The following CATSPERE variants were observed in gnomAD, a reference collection of about 807,000 sequenced individuals.
CATSPERE encodes the protein catsper channel auxiliary subunit epsilon, also known as cation channel sperm-associated auxiliary subunit epsilon.
CATSPERE carries 93 observed loss-of-function variants against 114.1 expected under a neutral mutation model. The observed-to-expected ratio is 0.81, with a 90% CI of 0.69 to 0.97. CATSPERE has a LOEUF of 0.97. Among genes scored for constraint, CATSPERE ranks in the 50% least tolerant of loss-of-function variants. The pLI is 0.00. For missense variants in CATSPERE, 1,058 were observed against 1,131.6 expected (o/e 0.93, Z 0.93); for synonymous variants, 341 against 384.1 (o/e 0.89, Z 1.31).
intron 19 of CATSPERE, among the ~76,000 whole-genome samples, chr1:244,615,042 C>A (rs1354923863): frequency 6.6e-6 from 1 of 151,966 alleles, no homozygotes; most frequent in Non-Finnish European, 1.5e-5. Context: ...TTGCAGCCCT[C>A]ATTGTTAATT....
At position 244,523,046 on chromosome 1, in the gene CATSPERE, T is replaced by A. The variant is rs186154558; in HGVS notation, c.536+4348T>A. ...AGACACAACCAAAAAAAGAGAATTT[T>A]AGACCAATATCCTTGATGGACATTG... is the stretch of plus-strand genomic sequence containing the variant. On this transcript the variant is annotated intron_variant, in intron 8 of 21. Coordinates refer to ENST00000366534, the MANE Select transcript of CATSPERE (RefSeq NM_001130957.2). Among the ~76,000 whole-genome samples the A allele has an allele frequency of 2.1e-4, 31 of 148,648 alleles. 1 individual carries two copies. The highest frequency in any genetic ancestry group is 7.5e-4 in the African/African-American group (29 of 38,436).
chr1:244,603,598 A>G (rs147347931), intron 17 of CATSPERE, among the ~76,000 whole-genome samples: 107 of 152,270 alleles, frequency 7.0e-4, no homozygotes, highest in African/African-American at 2.5e-3. Context: ...ATTTACACTT[A>G]TTGCCACTAG....
chr1:244,451,454 G>A (rs1278369556), upstream of CATSPERE, among the ~76,000 whole-genome samples: 1 of 152,152 alleles, frequency 6.6e-6, no homozygotes, highest in Non-Finnish European at 1.5e-5. The surrounding 1 kb of genome is among the most constrained non-coding windows in gnomAD (Gnocchi z 6.6). Flanking sequence ...CCAGGTCAGG[G>A]GTCCCCGACC....
At chr1:244,603,082 G>C (rs911116496) in intron 17 of CATSPERE, among the ~76,000 whole-genome samples, 3 of 152,094 alleles carry the variant, frequency 2.0e-5, no homozygotes, top group Non-Finnish European at 4.4e-5. Context: ...GACTCTCCCT[G>C]GTTGTAGTGT....
At chr1:244,542,591 T>A (rs989742158) in intron 8 of CATSPERE, among the ~76,000 whole-genome samples, 1 of 152,190 alleles carries the variant, frequency 6.6e-6, no homozygotes, top group African/African-American at 2.4e-5. Context: ...AGTATTTGAT[T>A]TTCTGTTTCT....
chr1:244,568,040 T>C lies in CATSPERE; in HGVS notation c.1508-4290T>C, dbSNP rs556003625. Among the ~76,000 whole-genome samples the C allele has an allele frequency of 6.6e-6, 1 of 152,260 alleles. No individual in the cohort carries two copies. The highest frequency in any genetic ancestry group is 1.9e-4 in the East Asian group (1 of 5,164). ...TGGGGTTTTTGTGTGGATGTCCTTT[T>C]TGTTGATGTTGATGCTATTCCTTTC... On this transcript the variant is annotated intron_variant, in intron 10 of 21. Coordinates refer to ENST00000366534, the MANE Select transcript of CATSPERE (RefSeq NM_001130957.2). The surrounding 1 kb of genome is among the most constrained non-coding windows in gnomAD (Gnocchi z 4.4).
intron 14 of CATSPERE, among the ~76,000 whole-genome samples, chr1:244,590,709 T>G (rs1431139407): frequency 1.3e-5 from 2 of 152,226 alleles, no homozygotes; most frequent in East Asian, 3.8e-4. Flanking sequence ...TATGACCTTT[T>G]GTGTCCAGCT....
intron 12 of CATSPERE, among the ~76,000 whole-genome samples, chr1:244,582,407 C>T (rs199640564): frequency 2.1e-5 from 3 of 143,188 alleles, no homozygotes; most frequent in Non-Finnish European, 3.0e-5. Context: ...TTTTCTTTTT[C>T]TTTTTTTTTT....
chr1:244,547,999 A>C (rs1356320380), intron 8 of CATSPERE, among the ~76,000 whole-genome samples: 1 of 152,260 alleles, frequency 6.6e-6, no homozygotes, highest in African/African-American at 2.4e-5. Context: ...GCTGCAGCCA[A>C]TGGTTTGGCT....
intron 8 of CATSPERE, among the ~76,000 whole-genome samples, chr1:244,521,433 C>A (rs1677539724): frequency 6.6e-6 from 1 of 151,772 alleles, no homozygotes; most frequent in African/African-American, 2.4e-5. Context: ...ACCAGAAGTG[C>A]AAGTTCAGTA....
At position 244,575,258 on chromosome 1, in the gene CATSPERE, A is replaced by G. The variant is rs1337150181; in HGVS notation, c.1950+2486A>G. On this transcript the variant is annotated intron_variant, in intron 11 of 21. Coordinates refer to ENST00000366534, the MANE Select transcript of CATSPERE (RefSeq NM_001130957.2). The surrounding 1 kb of genome is among the most constrained non-coding windows in gnomAD (Gnocchi z 4.5). ...AGGCCCCGGGCTGTTGCTGGCCCAG[A>G]GGCTTGGCAGGTGCCTGCCGTAAGT... Among the ~76,000 whole-genome samples, 2 of 152,188 alleles carry G rather than the reference A, an allele frequency of 1.3e-5. No homozygotes were observed.
intron 12 of CATSPERE, among the ~76,000 whole-genome samples, chr1:244,582,552 G>A (rs1485710828): frequency 3.3e-5 from 5 of 151,728 alleles, no homozygotes; most frequent in African/African-American, 7.3e-5. Context: ...ACAGGCATGC[G>A]CCACCACGGC....
chr1:244,552,698 C>G lies in CATSPERE; in HGVS notation c.913C>G (p.Leu305Val). ...DGIVFLINGVLYIKSFRGFIR... is the reference protein window; with the variant it reads ...DGIVFLINGVVYIKSFRGFIR... ...AATCGTTTTTCTTATAAATGGTGTT[C>G]TTTACATAAAGAGTTTTCGTGGATT... The change falls in exon 9 of 22, where the codon CTT (leucine) becomes GTT (valine). Residue 305 changes from leucine to valine, a missense_variant. By Grantham distance (32) the Leu-to-Val change is conservative. This residue lies in a region of CATSPERE where 787 missense variants were observed against 905.6 expected (regional missense o/e 0.87). Coordinates refer to ENST00000366534, the MANE Select transcript of CATSPERE (RefSeq NM_001130957.2). 1 of 1,613,890 alleles carries G rather than the reference C, an allele frequency of 6.2e-7. No individual in the cohort carries two copies. The highest frequency in any genetic ancestry group is 8.5e-7 in the Non-Finnish European group (1 of 1,179,906).
At chr1:244,552,950 G>A (rs2148500952) in intron 9 of CATSPERE, 136 bp downstream of exon 9, 1 of 355,078 alleles carries the variant, frequency 2.8e-6, no homozygotes, top group Non-Finnish European at 4.5e-6. Context: ...GCTGTAAACA[G>A]CTCTAACTCA....
At chr1:244,513,953 T>C (rs1676171327) in intron 7 of CATSPERE, among the ~76,000 whole-genome samples, 1 of 152,242 alleles carries the variant, frequency 6.6e-6, no homozygotes, top group South Asian at 2.1e-4. Flanking sequence ...GGTGTTATTT[T>C]TTATTGCTCA....
intron 9 of CATSPERE, among the ~76,000 whole-genome samples, chr1:244,553,603 ACACAC>A (rs1558484631): frequency 2.6e-3 from 15 of 5,796 alleles, no homozygotes; most frequent in African/African-American, 7.2e-3. Context: ...AAAAAAAAAT[ACACAC>A]ACACACACAC....
chr1:244,552,343 A>T lies in CATSPERE; in HGVS notation c.558A>T (p.Pro186=), dbSNP rs769611356. 6.2e-7 allele frequency: 1 copy of T among 1,611,824 alleles called. No individual in the cohort carries two copies. The highest frequency in any genetic ancestry group is 1.1e-5 in the South Asian group (1 of 90,540). The part of the protein sequence containing the change: ...MRRGTWRIVV[P]MTKDDALKEI... ...TTAGGACCTGGCGTATTGTAGTACCAATGACAAAAGATGATGCACTAAAGG... is the reference window on the plus strand; with the variant it reads ...TTAGGACCTGGCGTATTGTAGTACCTATGACAAAAGATGATGCACTAAAGG... The change falls in exon 9 of 22, where the codon CCA becomes CCT. Residue 186 remains proline (P), a synonymous_variant. Transcript: ENST00000366534.
chr1:244,619,572 T>G (rs1321084223), intron 20 of CATSPERE, among the ~76,000 whole-genome samples: 2 of 152,152 alleles, frequency 1.3e-5, no homozygotes, highest in African/African-American at 2.4e-5. Context: ...TGGAGAGTAT[T>G]TCTTCCAAGA....
intron 21 of CATSPERE, among the ~76,000 whole-genome samples, chr1:244,639,129 T>G (rs1448751019): frequency 6.6e-6 from 1 of 152,212 alleles, no homozygotes; most frequent in Non-Finnish European, 1.5e-5. Context: ...CCTTGGCACC[T>G]GAGCTGCTGT....
Sources: allele counts gnomAD v4.1 joint callset (sites outside exome capture counted in the v4.1 genomes callset), GRCh38; gene constraint gnomAD v4.1.1; regional missense constraint gnomAD v4.1.1; non-coding constraint Gnocchi (gnomAD v3.1); transcripts MANE v1.5; gene names NCBI Gene and HGNC (gene_info 2026-07-23, HGNC 2026-07-21).